Variants in PIEZO2 observed in about 807,000 individuals in gnomAD.
The protein encoded by PIEZO2 is piezo-type mechanosensitive ion channel component 2.
A neutral mutation model predicts 337.3 loss-of-function variants in PIEZO2; 172 were observed. That is an observed-to-expected ratio of 0.51 (90% CI 0.45 to 0.58). The LOEUF (loss-of-function observed/expected upper bound fraction) is 0.58. Ranked by LOEUF, PIEZO2 falls within the 20% of genes least tolerant of loss-of-function variation. PIEZO2 has a pLI of 0.00. For missense variants in PIEZO2, 3,028 were observed against 3,391.3 expected (o/e 0.89, Z 2.66); for synonymous variants, 1,251 against 1,228.5 (o/e 1.02, Z -0.38).
chr18:11,024,143 G>A (rs943701315), intron 2 of PIEZO2, among the ~76,000 whole-genome samples: 4 of 152,242 alleles, frequency 2.6e-5, no homozygotes, highest in Admixed American at 1.3e-4. Context: ...CTGAGTGGGC[G>A]CCAAGGCCGC....
chr18:10,971,910 G>A (rs925732297), intron 3 of PIEZO2, among the ~76,000 whole-genome samples: 9 of 152,044 alleles, frequency 5.9e-5, no homozygotes, highest in Non-Finnish European at 1.3e-4. Context: ...GCAGCCTAAG[G>A]CGAGGCACTT....
In PIEZO2 at chr18:11,102,029, G is replaced by A. The variant is rs1253849269; in HGVS notation, c.65-35807C>T. Among the ~76,000 whole-genome samples, 3 of 152,254 alleles carry A rather than the reference G, an allele frequency of 2.0e-5. No individual in the cohort carries two copies. Among genetic ancestry groups the A allele is most frequent in the African/African-American group, 7.2e-5 (3 of 41,536 alleles). The stretch of plus-strand genomic sequence containing the variant: ...CTGGGGATCCTGGGGCCCTGATTTG[G>A]AGGCTATAGACTTAAGCATTCAGAA... On this transcript the variant is annotated intron_variant, in intron 1 of 55. Coordinates refer to ENST00000674853, the MANE Select transcript of PIEZO2 (RefSeq NM_001378183.1). This position sits in a 1 kb window ranked among gnomAD's most constrained non-coding sequence, Gnocchi z 5.7.
intron 1 of PIEZO2, among the ~76,000 whole-genome samples, chr18:11,090,841 G>GA (rs879305206): frequency 1.3e-5 from 2 of 151,494 alleles, no homozygotes; most frequent in Admixed American, 1.3e-4. Context: ...TGAACCCGGG[G>GA]GGGCAAAGCT....
chr18:10,691,021 A>G (rs1203629152), intron 48 of PIEZO2, among the ~76,000 whole-genome samples: 1 of 152,238 alleles, frequency 6.6e-6, no homozygotes, highest in South Asian at 2.1e-4. Flanking sequence ...AATGTAGAAC[A>G]GCACCTGGAC....
At chr18:10,867,590 T>C (rs1478813384) in intron 5 of PIEZO2, among the ~76,000 whole-genome samples, 1 of 152,212 alleles carries the variant, frequency 6.6e-6, no homozygotes, top group Non-Finnish European at 1.5e-5. Flanking sequence ...AAGTCATAAC[T>C]GCAAATCCTA....
intron 2 of PIEZO2, among the ~76,000 whole-genome samples, chr18:10,991,930 T>C (rs900310318): frequency 4.6e-4 from 70 of 152,206 alleles, no homozygotes; most frequent in African/African-American, 1.7e-3. Flanking sequence ...TTCTAACCGG[T>C]GTGAGATGGT....
chr18:11,138,252 C>T (rs570478085), intron 1 of PIEZO2, among the ~76,000 whole-genome samples: 3 of 152,132 alleles, frequency 2.0e-5, no homozygotes, highest in African/African-American at 7.2e-5. Flanking sequence ...TTTGAAAAAC[C>T]TACAATCCAA....
intron 1 of PIEZO2, among the ~76,000 whole-genome samples, chr18:11,090,071 G>A (rs907217108): frequency 6.6e-6 from 1 of 152,226 alleles, no homozygotes; most frequent in Non-Finnish European, 1.5e-5. Context: ...CAGGAAGCCT[G>A]ACAACCCGGA....
At chr18:10,926,083 AG>A (rs1430147069) in intron 3 of PIEZO2, among the ~76,000 whole-genome samples, 1 of 152,192 alleles carries the variant, frequency 6.6e-6, no homozygotes, top group Non-Finnish European at 1.5e-5. Context: ...TTTGCATTCC[AG>A]GGGAGAGCAC....
chr18:11,144,417 C>G (rs1452193236), intron 1 of PIEZO2, among the ~76,000 whole-genome samples: 1 of 152,088 alleles, frequency 6.6e-6, no homozygotes, highest in Non-Finnish European at 1.5e-5. Flanking sequence ...AGCCACCTAC[C>G]ACTGAGAGCT....
In PIEZO2 at chr18:10,682,636, G is replaced by A. The variant is rs987335989; in HGVS notation, c.7498-344C>T. On this transcript the variant is annotated intron_variant, in intron 49 of 55. Coordinates refer to ENST00000674853, the MANE Select transcript of PIEZO2 (RefSeq NM_001378183.1). This position sits in a 1 kb window ranked among gnomAD's most constrained non-coding sequence, Gnocchi z 5.6. Reference sequence around the variant, plus strand: ...AAGTATCCGGCCGAATGAACCTTCTGGTTTTAAGGGATTATGTGAGAGAAA... The same window carrying A: ...AAGTATCCGGCCGAATGAACCTTCTAGTTTTAAGGGATTATGTGAGAGAAA... Among the ~76,000 whole-genome samples, 2 of 152,074 alleles carry A rather than the reference G, an allele frequency of 1.3e-5. No individual in the cohort carries two copies. The highest frequency in any genetic ancestry group is 4.8e-5 in the African/African-American group (2 of 41,390).
chr18:10,872,942 T>C lies in PIEZO2; in HGVS notation c.330-1527A>G, dbSNP rs1315664539. Among the ~76,000 whole-genome samples, 2 of 151,990 alleles carry C rather than the reference T, an allele frequency of 1.3e-5. No homozygotes were observed. Among genetic ancestry groups the C allele is most frequent in the Admixed American group, 1.3e-4 (2 of 15,254 alleles). On this transcript the variant is annotated intron_variant, in intron 4 of 55. Transcript: ENST00000674853. This position sits in a 1 kb window ranked among gnomAD's most constrained non-coding sequence, Gnocchi z 4.3. ...AGATGATCCATGGAAAAATCAAGCA[T>C]AGAACTTCAAAGGAGGGTTAAGTCT...
intron 3 of PIEZO2, among the ~76,000 whole-genome samples, chr18:10,915,245 G>A (rs1214842526): frequency 5.9e-5 from 8 of 136,194 alleles, no homozygotes; most frequent in African/African-American, 1.7e-4. Context: ...AATGGGTCAC[G>A]TGTGCAGAGG....
At position 10,967,427 on chromosome 18, in the gene PIEZO2, T is replaced by G. The variant is rs376676735; in HGVS notation, c.286+12108A>C. ...TATAAACATGTGTGTGCAAGCATTT[T>G]TTTCATATAATGACTTCTTTTCCTC... On this transcript the variant is annotated intron_variant, in intron 3 of 55. Coordinates refer to ENST00000674853, the MANE Select transcript of PIEZO2 (RefSeq NM_001378183.1). 7.2e-5 allele frequency among the ~76,000 whole-genome samples: 11 copies of G among 152,312 alleles called. No individual in the cohort carries two copies. In the East Asian group the frequency reaches 1.9e-3, roughly 27 times the overall value.
At chr18:11,136,868 G>T (rs2040504790) in intron 1 of PIEZO2, among the ~76,000 whole-genome samples, 1 of 151,822 alleles carries the variant, frequency 6.6e-6, no homozygotes, top group Non-Finnish European at 1.5e-5. Flanking sequence ...ATTACATTCA[G>T]TATTTTACTC....
intron 2 of PIEZO2, among the ~76,000 whole-genome samples, chr18:11,029,227 T>G (rs1455399032): frequency 6.6e-6 from 1 of 152,198 alleles, no homozygotes; most frequent in Admixed American, 6.5e-5. Flanking sequence ...GCTCTGATTT[T>G]TCCTCCGTCA....
At chr18:10,681,617 A>C in intron 51 of PIEZO2, 44 bp downstream of exon 51, 2 of 1,449,788 alleles carry the variant, frequency 1.4e-6, no homozygotes, top group Non-Finnish European at 9.7e-7. Flanking sequence ...GAACTTCCCT[A>C]GATGAGAGGT....
intron 4 of PIEZO2, among the ~76,000 whole-genome samples, chr18:10,876,765 T>A (rs1268586196): frequency 6.6e-6 from 1 of 152,196 alleles, no homozygotes; most frequent in African/African-American, 2.4e-5. Context: ...ACTTTCTCAC[T>A]TTGTGTTTGG....
chr18:10,701,834 C>CTTT, intron 43 of PIEZO2, 155 bp downstream of exon 43: 3 of 455,836 alleles, frequency 6.6e-6, no homozygotes, highest in East Asian at 4.0e-5. Flanking sequence ...TTTTCTCTCT[C>CTTT]TTTTTTTTTT....
Sources: gnomAD v4.1 joint callset for allele counts (sites outside exome capture counted in the v4.1 genomes callset) on GRCh38, gnomAD v4.1.1 for gene constraint, Gnocchi (gnomAD v3.1) non-coding constraint, MANE v1.5 for transcripts, NCBI Gene and HGNC (gene_info 2026-07-23, HGNC 2026-07-21) for gene names.